The following CNTNAP2 variants were observed in gnomAD, a reference collection of about 807,000 sequenced individuals.
The protein encoded by CNTNAP2 is contactin-associated protein-like 2.
A neutral mutation model predicts 155.2 loss-of-function variants in CNTNAP2; 98 were observed. The ratio of observed to expected loss-of-function variants is 0.63; its 90% CI spans 0.54 to 0.75. CNTNAP2 has a LOEUF of 0.75. Ranked by LOEUF, CNTNAP2 falls within the 30% of genes least tolerant of loss-of-function variation. The pLI is 0.00. For synonymous variants in CNTNAP2, 651 were observed against 631.2 expected, an observed-to-expected ratio of 1.03 and a Z score of -0.47; for missense variants, 1,727 against 1,688.1, an observed-to-expected ratio of 1.02 and a Z score of -0.40.
intron 14 of CNTNAP2, among the ~76,000 whole-genome samples, chr7:147,944,586 G>C (rs73743663): frequency 6.6e-6 from 1 of 152,036 alleles, no homozygotes; most frequent in Non-Finnish European, 1.5e-5. Context: ...TGTCTGTTTC[G>C]CCAGTATTTT....
At chr7:146,659,182 G>T (rs1020089666) in intron 1 of CNTNAP2, among the ~76,000 whole-genome samples, 1 of 152,188 alleles carries the variant, frequency 6.6e-6, no homozygotes, top group African/African-American at 2.4e-5. Flanking sequence ...AAAGAAAAGG[G>T]CGCAGAGAAG....
At chr7:147,050,069 T>G (rs917235597) in intron 4 of CNTNAP2, among the ~76,000 whole-genome samples, 4 of 152,214 alleles carry the variant, frequency 2.6e-5, no homozygotes, top group Non-Finnish European at 4.4e-5. Flanking sequence ...ATCATTCTGC[T>G]TCCTCTACGT....
At chr7:147,922,652 T>A (rs1251895490) in intron 14 of CNTNAP2, among the ~76,000 whole-genome samples, 4 of 152,126 alleles carry the variant, frequency 2.6e-5, no homozygotes, top group African/African-American at 9.7e-5. Flanking sequence ...GTCCACAGAG[T>A]CTAAAGACCA....
chr7:148,209,165 G>A (rs149660941), intron 18 of CNTNAP2, among the ~76,000 whole-genome samples: 1 of 152,154 alleles, frequency 6.6e-6, no homozygotes, highest in East Asian at 1.9e-4. Flanking sequence ...TCACTCTGTT[G>A]CCCCAGCTGG....
At chr7:148,183,278 T>C (rs1472070329) in intron 18 of CNTNAP2, among the ~76,000 whole-genome samples, 1 of 152,216 alleles carries the variant, frequency 6.6e-6, no homozygotes, top group Admixed American at 6.5e-5. Flanking sequence ...TTCAAAGTCT[T>C]GTCCAAGGAC....
At chr7:146,697,484 C>T (rs1800802052) in intron 1 of CNTNAP2, among the ~76,000 whole-genome samples, 1 of 152,160 alleles carries the variant, frequency 6.6e-6, no homozygotes, top group Non-Finnish European at 1.5e-5. Context: ...AGTGATCTTC[C>T]CTTCTCAGCC....
intron 13 of CNTNAP2, among the ~76,000 whole-genome samples, chr7:147,847,404 C>T (rs1407487410): frequency 8.2e-6 from 1 of 122,546 alleles, no homozygotes; most frequent in African/African-American, 3.2e-5. Context: ...CCTGAGGCTT[C>T]TGCATTCTTC....
At chr7:147,761,894 G>T in intron 13 of CNTNAP2, among the ~76,000 whole-genome samples, 1 of 152,022 alleles carries the variant, frequency 6.6e-6, no homozygotes. Context: ...CAAATAGAGT[G>T]GGTGGCTATG....
intron 8 of CNTNAP2, among the ~76,000 whole-genome samples, chr7:147,207,247 CAA>C (rs999212509): frequency 6.6e-6 from 1 of 151,944 alleles, no homozygotes; most frequent in Non-Finnish European, 1.5e-5. Flanking sequence ...GTACTGTTAA[CAA>C]AAAATGCAAG....
At chr7:147,366,490 T>G (rs1796231503) in intron 9 of CNTNAP2, among the ~76,000 whole-genome samples, 1 of 152,034 alleles carries the variant, frequency 6.6e-6, no homozygotes. Flanking sequence ...GAGTATAAAT[T>G]TTTTCATAAA....
intron 19 of CNTNAP2, among the ~76,000 whole-genome samples, chr7:148,225,557 A>T (rs1346961069): frequency 6.6e-6 from 1 of 152,088 alleles, no homozygotes; most frequent in Non-Finnish European, 1.5e-5. Flanking sequence ...AAGAAGTTTG[A>T]TTTTTACTCT....
intron 3 of CNTNAP2, among the ~76,000 whole-genome samples, chr7:147,040,727 C>G (rs1799244884): frequency 6.6e-6 from 1 of 151,978 alleles, no homozygotes; most frequent in Non-Finnish European, 1.5e-5. Flanking sequence ...TCCCAAAGTG[C>G]TGTGATTACA....
At chr7:147,680,316 A>G (rs1243471068) in intron 13 of CNTNAP2, among the ~76,000 whole-genome samples, 2 of 151,888 alleles carry the variant, frequency 1.3e-5, no homozygotes, top group Non-Finnish European at 2.9e-5. Context: ...CACCTTTGTA[A>G]TAACTACGGT....
intron 8 of CNTNAP2, among the ~76,000 whole-genome samples, chr7:147,224,523 C>G (rs1049694436): frequency 1.3e-5 from 2 of 152,066 alleles, no homozygotes; most frequent in Admixed American, 6.6e-5. Flanking sequence ...CACTTTCTAC[C>G]CTTCTTGACT....
chr7:146,190,049 A>T (rs1403152412), intron 1 of CNTNAP2, among the ~76,000 whole-genome samples: 1 of 142,940 alleles, frequency 7.0e-6, no homozygotes. Context: ...GACACTAAAG[A>T]CAGCACTCTG....
chr7:147,899,656 G>A (rs1000286058), intron 13 of CNTNAP2, among the ~76,000 whole-genome samples: 20 of 152,016 alleles, frequency 1.3e-4, no homozygotes, highest in Non-Finnish European at 2.4e-4. Flanking sequence ...AGGCCAAGGC[G>A]GGTGGATCAC....
intron 3 of CNTNAP2, among the ~76,000 whole-genome samples, chr7:146,885,374 T>A (rs1206333268): frequency 6.6e-6 from 1 of 152,128 alleles, no homozygotes; most frequent in Non-Finnish European, 1.5e-5. Context: ...AGTAGTCTAA[T>A]GTAAATAATA....
chr7:146,941,995 A>T (rs2129225836), intron 3 of CNTNAP2, among the ~76,000 whole-genome samples: 1 of 152,140 alleles, frequency 6.6e-6, no homozygotes, highest in East Asian at 1.9e-4. Context: ...TAGAATCTGA[A>T]TGAAGAACTT....
chr7:147,107,254 A>G lies in CNTNAP2; in HGVS notation c.551-893A>G, dbSNP rs544471727. On this transcript the variant is annotated intron_variant, in intron 4 of 23. Transcript: ENST00000361727. The stretch of plus-strand genomic sequence containing the variant: ...GAGAATGCATTGACCAATAGTGCCT[A>G]ATAAATAATATCATCTCATTTTTAT... Among the ~76,000 whole-genome samples, 78 of 152,304 alleles carry G rather than the reference A, an allele frequency of 5.1e-4. No individual in the cohort carries two copies. The South Asian group carries it at 0.016, about 30-fold the overall frequency.
Sources: allele counts gnomAD v4.1 joint callset (sites outside exome capture counted in the v4.1 genomes callset), GRCh38; gene constraint gnomAD v4.1.1; transcripts MANE v1.5; gene names NCBI Gene and HGNC (gene_info 2026-07-23, HGNC 2026-07-21).